Variants in CDK17 observed in about 807,000 individuals in gnomAD.
CDK17 encodes the protein cyclin dependent kinase 17.
In CDK17, 24 loss-of-function variants were observed where a neutral mutation model predicts 77.6. That is an observed-to-expected ratio of 0.31 (90% CI 0.22 to 0.44). The LOEUF (loss-of-function observed/expected upper bound fraction) is 0.44. Among genes scored for constraint, CDK17 ranks in the 20% least tolerant of loss-of-function variants. The pLI, the probability that CDK17 is intolerant of heterozygous loss-of-function variation, is 1.00. For synonymous variants in CDK17, 203 were observed against 210.4 expected, an observed-to-expected ratio of 0.96 and a Z score of 0.30; for missense variants, 429 against 622.5, an observed-to-expected ratio of 0.69 and a Z score of 3.31.
At chr12:96,377,854 C>T (rs1438792180) in intron 1 of CDK17, among the ~76,000 whole-genome samples, 1 of 152,070 alleles carries the variant, frequency 6.6e-6, no homozygotes, top group East Asian at 1.9e-4. Context: ...CCACTACGCC[C>T]AGCTAATTTT....
intron 5 of CDK17, among the ~76,000 whole-genome samples, chr12:96,301,291 TTTAAAAGTGAGTTC>T (rs1445316983): frequency 3.4e-5 from 5 of 148,412 alleles, no homozygotes; most frequent in Non-Finnish European, 5.9e-5. Context: ...GAGAAAATGC[TTTAAAAGTGAGTTC>T]TTAAAAGCCT....
intron 1 of CDK17, among the ~76,000 whole-genome samples, chr12:96,393,900 G>C (rs899706245): frequency 6.6e-6 from 1 of 152,066 alleles, no homozygotes; most frequent in Non-Finnish European, 1.5e-5. Flanking sequence ...ATTTAAAGAA[G>C]AGCAAGTCTA....
intron 5 of CDK17, among the ~76,000 whole-genome samples, chr12:96,300,934 T>G (rs1952491026): frequency 6.6e-6 from 1 of 152,168 alleles, no homozygotes; most frequent in Non-Finnish European, 1.5e-5. Context: ...TGAAAAATAT[T>G]TGGTTTTATT....
chr12:96,341,809 T>C (rs188534258), intron 1 of CDK17, among the ~76,000 whole-genome samples: 64 of 152,296 alleles, frequency 4.2e-4, no homozygotes, highest in South Asian at 6.2e-4. Context: ...TGTTATAGTG[T>C]GGTTTTCTCA....
At chr12:96,382,348 T>A in intron 1 of CDK17, among the ~76,000 whole-genome samples, 2 of 122,110 alleles carry the variant, frequency 1.6e-5, no homozygotes, top group African/African-American at 6.8e-5. Flanking sequence ...CAAAACTGAA[T>A]CAGTAATTAA....
chr12:96,283,795 T>C, intron 13 of CDK17, 150 bp from the exon 14 acceptor site: 1 of 550,362 alleles, frequency 1.8e-6, no homozygotes, highest in Non-Finnish European at 3.2e-6. Flanking sequence ...CAAATCTGTT[T>C]TAGTCTTAAA....
chr12:96,399,298 A>G (rs1367394208), intron 1 of CDK17: 6 of 152,194 alleles, frequency 3.9e-5, no homozygotes, highest in Non-Finnish European at 8.8e-5. Context: ...TCCTCCCCCC[A>G]TTTTCCCCTC....
At chr12:96,320,716 C>T (rs963247516) in intron 3 of CDK17, among the ~76,000 whole-genome samples, 2 of 145,910 alleles carry the variant, frequency 1.4e-5, no homozygotes, top group Admixed American at 1.4e-4. Flanking sequence ...GAAAGGATTC[C>T]CTATTTAATA....
chr12:96,386,174 T>C (rs1288191902), intron 1 of CDK17, among the ~76,000 whole-genome samples: 3 of 152,148 alleles, frequency 2.0e-5, no homozygotes, highest in Non-Finnish European at 4.4e-5. Flanking sequence ...TAAAACACTT[T>C]TTAAAGAGAT....
rs1372298753 is a variant in CDK17 at position 96,282,545 on chromosome 12, G to C, written c.1420C>G (p.Arg474Gly). 1.9e-6 allele frequency: 3 copies of C among 1,612,766 alleles called. No homozygotes were observed. The South Asian group carries it at 3.3e-5, about 18-fold the overall frequency. ...AEEAMKHVYF[R>G]SLGPRIHALP... ...GCATGTATTCTTGGTCCCAGACTTC[G>C]AAAGTACACATGTTTCATGGCCTCT... Residue 474 changes from arginine to glycine, a missense_variant, in exon 15 of 17, where the codon CGA becomes GGA. Arg to Gly is a moderately radical substitution (Grantham distance 125). Transcript: ENST00000261211.
chr12:96,397,304 T>A (rs975922618), intron 1 of CDK17, among the ~76,000 whole-genome samples: 5 of 151,998 alleles, frequency 3.3e-5, no homozygotes, highest in African/African-American at 9.7e-5. Context: ...TTTTTTTTTT[T>A]ATTAAAGCAA....
At chr12:96,294,587 A>C in intron 10 of CDK17, among the ~76,000 whole-genome samples, 1 of 119,286 alleles carries the variant, frequency 8.4e-6, no homozygotes, top group Non-Finnish European at 1.9e-5. Context: ...CTGTCTTCAA[A>C]AAAAAAAAAA....
At chr12:96,392,269 A>G (rs1190203956) in intron 1 of CDK17, among the ~76,000 whole-genome samples, 2 of 152,248 alleles carry the variant, frequency 1.3e-5, no homozygotes, top group Non-Finnish European at 2.9e-5. Context: ...GCATTGTAAT[A>G]TCAACATACC....
At chr12:96,305,350 T>C (rs1952564062) in intron 5 of CDK17, among the ~76,000 whole-genome samples, 1 of 152,230 alleles carries the variant, frequency 6.6e-6, no homozygotes, top group Admixed American at 6.5e-5. Flanking sequence ...GTTTTGTTAC[T>C]AGTAATGTAC....
At chr12:96,308,837 A>C (rs1272645813) in intron 5 of CDK17, among the ~76,000 whole-genome samples, 1 of 151,636 alleles carries the variant, frequency 6.6e-6, no homozygotes, top group Non-Finnish European at 1.5e-5. Context: ...TTCAGGTGCA[A>C]AGTCCAAGTG....
At chr12:96,287,977 A>G (rs1335054250) in intron 11 of CDK17, among the ~76,000 whole-genome samples, 1 of 152,160 alleles carries the variant, frequency 6.6e-6, no homozygotes, top group Non-Finnish European at 1.5e-5. Flanking sequence ...AAATTTATGG[A>G]GACAGAAAGT....
intron 3 of CDK17, among the ~76,000 whole-genome samples, chr12:96,317,306 C>T (rs1337659221): frequency 7.5e-6 from 1 of 132,574 alleles, no homozygotes; most frequent in East Asian, 2.3e-4. Flanking sequence ...TGTGAAAAGA[C>T]CAAATCTACG....
At chr12:96,296,779 C>A (rs1952412869) in intron 9 of CDK17, among the ~76,000 whole-genome samples, 1 of 152,176 alleles carries the variant, frequency 6.6e-6, no homozygotes, top group Admixed American at 6.5e-5. Context: ...TAAGAAAACA[C>A]ACCAATTATC....
At position 96,303,678 on chromosome 12, in the gene CDK17, A is replaced by AAT. The variant is rs199606405; in HGVS notation, c.544-3320_544-3319dup. ...AGAGTATAAACACATGAAAATTCTAAATATATATATAAATTAAATTATAAT... is the reference window on the plus strand; with the variant it reads ...AGAGTATAAACACATGAAAATTCTAAATATATATATATAAATTAAATTATAAT... On this transcript the variant is annotated intron_variant, in intron 5 of 16. Transcript: ENST00000261211. 7.6e-3 allele frequency among the ~76,000 whole-genome samples: 1,160 copies of AAT among 151,912 alleles called. 7 individuals carry two copies. The highest frequency in any genetic ancestry group is 0.025 in the African/African-American group (1,028 of 41,498).
Sources: allele counts gnomAD v4.1 joint callset (sites outside exome capture counted in the v4.1 genomes callset), GRCh38; gene constraint gnomAD v4.1.1; transcripts MANE v1.5; gene names NCBI Gene and HGNC (gene_info 2026-07-23, HGNC 2026-07-21).